Variants in FGF7 observed in about 807,000 individuals in gnomAD.
FGF7 encodes the protein FGF-7.
In FGF7, 6 loss-of-function variants were observed where a neutral mutation model predicts 20.5. The ratio of observed to expected loss-of-function variants is 0.29; its 90% CI spans 0.16 to 0.58. FGF7 has a LOEUF of 0.58. Among genes scored for constraint, FGF7 ranks in the 20% least tolerant of loss-of-function variants. The pLI, the probability that FGF7 is intolerant of heterozygous loss-of-function variation, is 0.90. For synonymous variants in FGF7, 64 were observed against 74.7 expected, an observed-to-expected ratio of 0.86 and a Z score of 0.74; for missense variants, 144 against 228.8, an observed-to-expected ratio of 0.63 and a Z score of 2.39.
rs530220350 is a variant in FGF7 at position 49,429,207 on chromosome 15, A to G, written c.286+4624A>G. ...ATAAGTAACATATCTACGCAGTCGA[A>G]CCAAAATCCTAGCAATTATAGACAA... On this transcript the variant is annotated intron_variant, in intron 2 of 3. Transcript: ENST00000267843. Among the ~76,000 whole-genome samples, 138 of 152,120 alleles carry G rather than the reference A, an allele frequency of 9.1e-4. 5 individuals are homozygous for G. The South Asian group carries it at 0.027, about 30-fold the overall frequency.
chr15:49,447,265 A>G (rs1426917419), intron 2 of FGF7, among the ~76,000 whole-genome samples: 1 of 151,690 alleles, frequency 6.6e-6, no homozygotes, highest in Non-Finnish European at 1.5e-5. Flanking sequence ...GAGCTTGAGA[A>G]TATTAACTAA....
intron 2 of FGF7, among the ~76,000 whole-genome samples, chr15:49,432,871 C>A (rs1048030610): frequency 3.3e-5 from 5 of 151,448 alleles, no homozygotes; most frequent in African/African-American, 9.7e-5. Context: ...AGAAATGATG[C>A]CCAACAGCTA....
intron 2 of FGF7, among the ~76,000 whole-genome samples, chr15:49,463,138 T>A (rs564654559): frequency 6.6e-6 from 1 of 152,348 alleles, no homozygotes; most frequent in Admixed American, 6.5e-5. Context: ...CTCCATCAGC[T>A]CCTGCTTAGA....
intron 2 of FGF7, among the ~76,000 whole-genome samples, chr15:49,452,886 A>C (rs567373623): frequency 3.3e-5 from 5 of 152,318 alleles, no homozygotes; most frequent in African/African-American, 1.2e-4. Context: ...AAAGATGATA[A>C]AACTAAATTT....
At chr15:49,450,478 G>C (rs1401789900) in intron 2 of FGF7, among the ~76,000 whole-genome samples, 1 of 151,952 alleles carries the variant, frequency 6.6e-6, no homozygotes, top group Admixed American at 6.6e-5. Flanking sequence ...CACCATTAGA[G>C]AGCCATTTTA....
rs2056472427 is a variant in FGF7, at chr15:49,487,255, A to G, written c.*2751A>G. ...GGAAAGCTTTGTGCAAAATATACATATAAGCAGAGTAAGCCTTTTAAAAAT... is the reference window on the plus strand; with the variant it reads ...GGAAAGCTTTGTGCAAAATATACATGTAAGCAGAGTAAGCCTTTTAAAAAT... On this transcript the variant is annotated 3_prime_UTR_variant, in exon 4 of 4. Coordinates refer to ENST00000267843, the MANE Select transcript of FGF7 (RefSeq NM_002009.4). The G allele has an allele frequency of 6.6e-6, 1 of 151,868 alleles. No homozygotes were observed. The highest frequency in any genetic ancestry group is 2.1e-4 in the South Asian group (1 of 4,826). The allele number at this position is 151,868 out of a possible 1,614,324, so 9.4% of individuals were successfully genotyped here.
rs936617110 is a variant in FGF7, at chr15:49,486,822, T to C, written c.*2318T>C. On this transcript the variant is annotated 3_prime_UTR_variant, in exon 4 of 4. Coordinates refer to ENST00000267843, the MANE Select transcript of FGF7 (RefSeq NM_002009.4). The stretch of plus-strand genomic sequence containing the variant: ...CCTATTTTTAAATTTATTATGCAAA[T>C]TTTAGAAAATAAAATTTGCTCTAGT... 1 of 151,936 alleles carries C rather than the reference T, an allele frequency of 6.6e-6. No individual in the cohort carries two copies. The highest frequency in any genetic ancestry group is 2.4e-5 in the African/African-American group (1 of 41,410). The allele number at this position is 151,936 out of a possible 1,614,324, so 9.4% of individuals were successfully genotyped here.
At position 49,472,432 on chromosome 15, in the gene FGF7, G is replaced by C. The variant is rs1597413705; in HGVS notation, c.287-10719G>C. Among the ~76,000 whole-genome samples the C allele has an allele frequency of 3.9e-5, 6 of 152,236 alleles. No individual in the cohort carries two copies. In the East Asian group the frequency reaches 1.2e-3, roughly 29 times the overall value. Reference sequence around the variant, plus strand: ...TGGGTACCTTTTATGGAAGACTTTTGGAAGTTGCCATAGGACACTTCAGTT... The same window carrying C: ...TGGGTACCTTTTATGGAAGACTTTTCGAAGTTGCCATAGGACACTTCAGTT... On this transcript the variant is annotated intron_variant, in intron 2 of 3. Coordinates refer to ENST00000267843, the MANE Select transcript of FGF7 (RefSeq NM_002009.4).
In FGF7 at chr15:49,434,817, A is replaced by C. The variant is rs1016123010; in HGVS notation, c.286+10234A>C. ...TTCACTGTGTATGCTCAATCTGGCA[A>C]GGGAAAACATCAATAATTAATAAAA... is the stretch of plus-strand genomic sequence containing the variant. On this transcript the variant is annotated intron_variant, in intron 2 of 3. Coordinates refer to ENST00000267843, the MANE Select transcript of FGF7 (RefSeq NM_002009.4). Among the ~76,000 whole-genome samples, 3 of 151,690 alleles carry C rather than the reference A, an allele frequency of 2.0e-5. No individual in the cohort carries two copies. The East Asian group carries it at 5.8e-4, about 30-fold the overall frequency.
chr15:49,447,986 G>A (rs2052381156), intron 2 of FGF7, among the ~76,000 whole-genome samples: 1 of 151,630 alleles, frequency 6.6e-6, no homozygotes, highest in Non-Finnish European at 1.5e-5. Flanking sequence ...TCATTCAAAA[G>A]CTGCTCCAGA....
chr15:49,474,290 G>T (rs1055256177), intron 2 of FGF7, among the ~76,000 whole-genome samples: 32 of 152,172 alleles, frequency 2.1e-4, no homozygotes, highest in African/African-American at 7.7e-4. Context: ...AAGGGCCAAA[G>T]AAACTAAGGA....
At chr15:49,467,540 T>A (rs941562017) in intron 2 of FGF7, among the ~76,000 whole-genome samples, 1 of 152,152 alleles carries the variant, frequency 6.6e-6, no homozygotes, top group Non-Finnish European at 1.5e-5. Flanking sequence ...ATTTTCTAGA[T>A]GGTGGGAAGA....
intron 2 of FGF7, among the ~76,000 whole-genome samples, chr15:49,445,872 G>A (rs2052153246): frequency 6.6e-6 from 1 of 151,420 alleles, no homozygotes; most frequent in Admixed American, 6.6e-5. Context: ...ATGATCATTT[G>A]AAATTAGATA....
At chr15:49,474,133 T>C (rs922352792) in intron 2 of FGF7, among the ~76,000 whole-genome samples, 1 of 152,208 alleles carries the variant, frequency 6.6e-6, no homozygotes, top group Non-Finnish European at 1.5e-5. Flanking sequence ...ATTGTATTAC[T>C]GTAAAATACA....
At chr15:49,473,452 C>G (rs1049631906) in intron 2 of FGF7, among the ~76,000 whole-genome samples, 2 of 152,056 alleles carry the variant, frequency 1.3e-5, no homozygotes, top group African/African-American at 4.8e-5. Flanking sequence ...TTACAGTTAA[C>G]TTTTAGATAA....
intron 2 of FGF7, among the ~76,000 whole-genome samples, chr15:49,448,652 T>C (rs2052440975): frequency 6.6e-6 from 1 of 151,574 alleles, no homozygotes; most frequent in Non-Finnish European, 1.5e-5. Flanking sequence ...ATACTATTTT[T>C]TGATGAACAT....
At chr15:49,462,148 G>A (rs2053855508) in intron 2 of FGF7, among the ~76,000 whole-genome samples, 1 of 152,148 alleles carries the variant, frequency 6.6e-6, no homozygotes, top group East Asian at 1.9e-4. Context: ...AAGGCAGTAT[G>A]AGAGCATGGT....
intron 2 of FGF7, among the ~76,000 whole-genome samples, chr15:49,446,850 T>C (rs34635038): frequency 0.023 from 3,534 of 151,356 alleles, 87 homozygotes; most frequent in South Asian, 0.13. Context: ...TGGAGAAAGA[T>C]ACAAGCAGGG....
intron 2 of FGF7, among the ~76,000 whole-genome samples, chr15:49,463,527 G>A (rs898895141): frequency 2.0e-5 from 3 of 147,360 alleles, no homozygotes; most frequent in African/African-American, 7.8e-5. Context: ...CTCCAGCCTA[G>A]GCGACACAGT....
Sources: gnomAD v4.1 joint callset for allele counts (sites outside exome capture counted in the v4.1 genomes callset) on GRCh38, gnomAD v4.1.1 for gene constraint, MANE v1.5 for transcripts, NCBI Gene and HGNC (gene_info 2026-07-23, HGNC 2026-07-21) for gene names.